The following FOXP2 variants were observed in gnomAD, a reference collection of about 807,000 sequenced individuals.
FOXP2 encodes forkhead box protein P2.
FOXP2 carries 12 observed loss-of-function variants against 115.8 expected under a neutral mutation model. The observed-to-expected ratio is 0.10, with a 90% CI of 0.07 to 0.17. The LOEUF is 0.17. FOXP2 is among the 10% of genes least tolerant of loss of function. The probability of loss-of-function intolerance (pLI) is 1.00; values close to 1 mark genes in which losing one functional copy is unlikely to be tolerated. For synonymous variants in FOXP2, 328 were observed against 297.7 expected, an observed-to-expected ratio of 1.10 and a Z score of -1.05; for missense variants, 629 against 843.5, an observed-to-expected ratio of 0.75 and a Z score of 3.15.
intron 3 of FOXP2, among the ~76,000 whole-genome samples, chr7:114,558,121 A>G (rs150820554): frequency 5.2e-4 from 79 of 152,208 alleles, no homozygotes; most frequent in African/African-American, 1.4e-3. Context: ...CTTTTAATAT[A>G]CTAGAGATTA....
intron 3 of FOXP2, among the ~76,000 whole-genome samples, chr7:114,537,831 G>A (rs780342037): frequency 2.0e-5 from 3 of 151,566 alleles, no homozygotes; most frequent in South Asian, 2.1e-4. Flanking sequence ...CAATCAGCAA[G>A]TACATTGATT....
chr7:114,344,580 A>C (rs1791294838), intron 2 of FOXP2, among the ~76,000 whole-genome samples: 1 of 151,846 alleles, frequency 6.6e-6, no homozygotes, highest in Admixed American at 6.6e-5. Context: ...TAAAGATTTT[A>C]TGGATAACAG....
chr7:114,307,532 T>C lies in FOXP2; in HGVS notation c.-11+19423T>C, dbSNP rs539074538. 1.1e-3 allele frequency among the ~76,000 whole-genome samples: 160 copies of C among 152,274 alleles called. 2 individuals are homozygous for C. Among genetic ancestry groups the C allele is most frequent in the Non-Finnish European group, 1.9e-3 (128 of 68,020 alleles). ...ATTCTGTGGCCCTTTCTCCTTTATA[T>C]ACAAACATGTAACTCAAAGGGGTAC... On this transcript the variant is annotated intron_variant, in intron 2 of 17. Transcript: ENST00000634411.
chr7:114,580,309 G>A (rs1442230784), intron 3 of FOXP2, among the ~76,000 whole-genome samples: 1 of 152,216 alleles, frequency 6.6e-6, no homozygotes, highest in Non-Finnish European at 1.5e-5. Context: ...CGGGCACGGT[G>A]GCTCACGCCT....
At chr7:114,403,223 T>A (rs1792936146) in intron 2 of FOXP2, among the ~76,000 whole-genome samples, 1 of 152,184 alleles carries the variant, frequency 6.6e-6, no homozygotes, top group Non-Finnish European at 1.5e-5. Flanking sequence ...ACTAATGGCC[T>A]CAAGTAAGTT....
intron 1 of FOXP2, among the ~76,000 whole-genome samples, chr7:114,138,383 T>C (rs1169394029): frequency 7.2e-6 from 1 of 139,828 alleles, no homozygotes; most frequent in African/African-American, 2.6e-5. Context: ...AACAACTCTA[T>C]AAGCCTATTC....
intron 2 of FOXP2, among the ~76,000 whole-genome samples, chr7:114,303,160 A>G (rs188433966): frequency 0.023 from 3,504 of 152,260 alleles, 87 homozygotes; most frequent in African/African-American, 0.055. Flanking sequence ...ATTTTGAATC[A>G]TTGAAATAAA....
chr7:114,317,267 C>A (rs923100964), intron 2 of FOXP2, among the ~76,000 whole-genome samples: 1 of 152,124 alleles, frequency 6.6e-6, no homozygotes, highest in African/African-American at 2.4e-5. Context: ...CTATAACACA[C>A]CTTATCTTGG....
At chr7:114,503,172 A>G (rs942865648) in intron 2 of FOXP2, among the ~76,000 whole-genome samples, 1 of 151,944 alleles carries the variant, frequency 6.6e-6, no homozygotes, top group Non-Finnish European at 1.5e-5. Flanking sequence ...CAAGCAAAAT[A>G]TATCCTGAGT....
chr7:114,378,705 A>AAAG (rs1275005067), intron 2 of FOXP2, among the ~76,000 whole-genome samples: 1 of 148,466 alleles, frequency 6.7e-6, no homozygotes, highest in Non-Finnish European at 1.5e-5. Flanking sequence ...AAAAAAAGGA[A>AAAG]AAGAAAAAGA....
intron 10 of FOXP2, 110 bp from the exon 11 acceptor site, chr7:114,657,956 A>G (rs965325163): frequency 8.7e-6 from 10 of 1,146,182 alleles, no homozygotes; most frequent in South Asian, 1.3e-5. Flanking sequence ...TTTGCAGCTT[A>G]TTAGTGGCAA....
intron 2 of FOXP2, among the ~76,000 whole-genome samples, chr7:114,354,514 C>A (rs1007746033): frequency 2.6e-5 from 4 of 152,106 alleles, no homozygotes; most frequent in Non-Finnish European, 4.4e-5. Context: ...AAAATGCCAA[C>A]AGTGATGAAT....
At chr7:114,120,255 T>C (rs1005788563) in intron 1 of FOXP2, among the ~76,000 whole-genome samples, 1 of 152,062 alleles carries the variant, frequency 6.6e-6, no homozygotes, top group Non-Finnish European at 1.5e-5. Flanking sequence ...GATAAATCAG[T>C]GTGGCTCACA....
intron 2 of FOXP2, among the ~76,000 whole-genome samples, chr7:114,452,285 G>T (rs530763297): frequency 1.2e-4 from 19 of 152,006 alleles, no homozygotes; most frequent in African/African-American, 4.3e-4. Context: ...GTGAGCCACT[G>T]GTTCAAGTAA....
Position 114,312,393 on chromosome 7 carries a change from G to A in FOXP2, c.-11+24284G>A, listed in dbSNP as rs1361522424. ...ACATTATCTTAACTCCCATTCATTA[G>A]TCCTTATTCACCCCTCATCTAATAC... On this transcript the variant is annotated intron_variant, in intron 2 of 17. Coordinates refer to the FOXP2 transcript ENST00000634411. Among the ~76,000 whole-genome samples, 29 of 152,070 alleles carry A rather than the reference G, an allele frequency of 1.9e-4. 1 individual carries two copies. Among genetic ancestry groups the A allele is most frequent in the Admixed American group, 1.9e-3 (29 of 15,270 alleles).
intron 2 of FOXP2, among the ~76,000 whole-genome samples, chr7:114,531,801 T>C (rs987009498): frequency 5.3e-5 from 8 of 152,044 alleles, no homozygotes; most frequent in African/African-American, 1.9e-4. Context: ...ATTACTATTA[T>C]TACTCCTTTA....
At chr7:114,281,990 G>A (rs918917036) in intron 1 of FOXP2, among the ~76,000 whole-genome samples, 1 of 152,092 alleles carries the variant, frequency 6.6e-6, no homozygotes, top group Non-Finnish European at 1.5e-5. Flanking sequence ...ACTCTGTACA[G>A]ATAATGCTTA....
At chr7:114,673,206 G>A (rs1807588292) in intron 16 of FOXP2, among the ~76,000 whole-genome samples, 1 of 152,160 alleles carries the variant, frequency 6.6e-6, no homozygotes, top group African/African-American at 2.4e-5. Context: ...CTGGCCAACA[G>A]ATTAGAACTA....
At chr7:114,473,885 T>TA (rs149594305) in intron 2 of FOXP2, among the ~76,000 whole-genome samples, 13,983 of 148,622 alleles carry the variant, frequency 0.094, 670 homozygotes, top group Middle Eastern at 0.17. Flanking sequence ...ACATCAAGTT[T>TA]AAAAAAAAAA....
Sources: allele counts gnomAD v4.1 joint callset (sites outside exome capture counted in the v4.1 genomes callset), GRCh38; gene constraint gnomAD v4.1.1; transcripts MANE v1.5; gene names NCBI Gene and HGNC (gene_info 2026-07-23, HGNC 2026-07-21).